Variants in RTF1 observed in about 807,000 individuals in gnomAD.
The protein encoded by RTF1 is RNA polymerase-associated protein RTF1 homolog.
In RTF1, 10 loss-of-function variants were observed where a neutral mutation model predicts 95.7. The observed-to-expected ratio is 0.10, with a 90% CI of 0.06 to 0.18. The LOEUF (loss-of-function observed/expected upper bound fraction) is 0.18. Among genes scored for constraint, RTF1 ranks in the 10% least tolerant of loss-of-function variants. The pLI is 1.00. For synonymous variants in RTF1, 305 were observed against 311.8 expected (o/e 0.98, Z 0.23); for missense variants, 458 against 875.6 (o/e 0.52, Z 6.02).
chr15:41,474,946 T>C (rs2050935083), intron 9 of RTF1, among the ~76,000 whole-genome samples: 1 of 152,192 alleles, frequency 6.6e-6, no homozygotes, highest in African/African-American at 2.4e-5. Context: ...TGTGTGGTTA[T>C]GAGAGACCCT....
chr15:41,466,503 A>G (rs2050881205), intron 6 of RTF1, among the ~76,000 whole-genome samples: 1 of 152,242 alleles, frequency 6.6e-6, no homozygotes, highest in Admixed American at 6.5e-5. Flanking sequence ...AACCATAAAT[A>G]TTTCAGTATG....
At chr15:41,434,683 A>T (rs978366102) in intron 1 of RTF1, among the ~76,000 whole-genome samples, 11 of 149,940 alleles carry the variant, frequency 7.3e-5, no homozygotes, top group African/African-American at 2.5e-4. Context: ...GCTGGAGTGC[A>T]GTGATGCGAT....
intron 1 of RTF1, among the ~76,000 whole-genome samples, chr15:41,433,116 C>T (rs1318371897): frequency 2.0e-5 from 3 of 147,080 alleles, no homozygotes; most frequent in East Asian, 2.1e-4. Flanking sequence ...GGTGTGGTGG[C>T]GTGCACCTAT....
chr15:41,465,652 G>A (rs1245068638), intron 5 of RTF1, among the ~76,000 whole-genome samples: 1 of 151,624 alleles, frequency 6.6e-6, no homozygotes, highest in East Asian at 1.9e-4. Context: ...AAAAAAAAAA[G>A]CAGCCCACTA....
chr15:41,473,626 G>C (rs1395818034), intron 8 of RTF1, among the ~76,000 whole-genome samples: 3 of 152,102 alleles, frequency 2.0e-5, no homozygotes, highest in African/African-American at 7.2e-5. Flanking sequence ...GCAGCGGTGT[G>C]ATCAGAGCTC....
At chr15:41,455,042 A>G (rs993385173) in intron 3 of RTF1, among the ~76,000 whole-genome samples, 13 of 152,038 alleles carry the variant, frequency 8.6e-5, no homozygotes, top group Non-Finnish European at 1.3e-4. Flanking sequence ...CCAGCCGGGC[A>G]TGGTGGCTCA....
At chr15:41,453,729 C>CA (rs1028188789) in intron 3 of RTF1, among the ~76,000 whole-genome samples, 15 of 129,620 alleles carry the variant, frequency 1.2e-4, no homozygotes, top group Admixed American at 6.2e-4. Flanking sequence ...TCAACAACAA[C>CA]AAAAAAAAGT....
chr15:41,454,327 G>A (rs1217867809), intron 3 of RTF1, among the ~76,000 whole-genome samples: 1 of 152,030 alleles, frequency 6.6e-6, no homozygotes, highest in African/African-American at 2.4e-5. Flanking sequence ...CTGACCTCAG[G>A]TGATCCACCT....
At chr15:41,443,688 T>C (rs529626625) in intron 2 of RTF1, among the ~76,000 whole-genome samples, 12 of 151,612 alleles carry the variant, frequency 7.9e-5, no homozygotes, top group African/African-American at 2.4e-4. Flanking sequence ...TTGCTTAAGC[T>C]GGGAAGTTCG....
In RTF1 at chr15:41,481,281, ATG is replaced by A. The variant is rs759338603; in HGVS notation, c.*606_*607del. On this transcript the variant is annotated 3_prime_UTR_variant, in exon 18 of 18. Transcript: ENST00000389629. ...GTCTAATTTGAGAGCGAGAGTGTGTATGTGTGTGTGTGTAAGTGTGTGGATTT... is the reference window on the plus strand; with the variant it reads ...GTCTAATTTGAGAGCGAGAGTGTGTATGTGTGTGTGTAAGTGTGTGGATTT... 3 of 149,768 alleles carry A rather than the reference ATG, an allele frequency of 2.0e-5. No homozygotes were observed. Among genetic ancestry groups the A allele is most frequent in the Non-Finnish European group, 2.9e-5 (2 of 68,236 alleles). 9.3% of individuals were successfully genotyped at this position (149,768 alleles called of 1,614,324 possible). A position where few individuals can be genotyped will look rare whatever the true frequency, so the allele number is the denominator to read the frequency against.
Position 41,480,244 on chromosome 15 carries a change from A to G in RTF1, c.1945A>G (p.Lys649Glu). 6.2e-7 allele frequency: 1 copy of G among 1,613,448 alleles called. No homozygotes were observed. Among genetic ancestry groups the G allele is most frequent in the Middle Eastern group, 1.6e-4 (1 of 6,062 alleles). The change falls in exon 17 of 18, where the codon AAG (lysine) becomes GAG (glutamate). Residue 649 changes from lysine to glutamate, a missense_variant. Physicochemically the swap from Lys to Glu is moderately conservative, Grantham distance 56. Around this residue, in one of 11 missense-constraint regions of RTF1, gnomAD observed 50 missense variants for 100.0 expected, o/e 0.50. Coordinates refer to ENST00000389629, the MANE Select transcript of RTF1 (RefSeq NM_015138.5). Reference sequence around the variant, plus strand: ...AGGCAAAGATAAAGATTTGAATTCTAAGTCAGCCAGTGACCTCTCAGAAGA... The same window carrying G: ...AGGCAAAGATAAAGATTTGAATTCTGAGTCAGCCAGTGACCTCTCAGAAGA... ...GQGKDKDLNS[K>E]SASDLSEDLF...
chr15:41,423,020 C>T (rs185049052), intron 1 of RTF1, among the ~76,000 whole-genome samples: 44 of 152,312 alleles, frequency 2.9e-4, no homozygotes, highest in Non-Finnish European at 5.3e-4. Flanking sequence ...GATCCACCCT[C>T]CTCGGCCTCC....
At chr15:41,439,798 C>T (rs942924092) in intron 2 of RTF1, among the ~76,000 whole-genome samples, 9 of 152,000 alleles carry the variant, frequency 5.9e-5, no homozygotes, top group Non-Finnish European at 1.0e-4. Flanking sequence ...ACTACAAGCA[C>T]GCACCACAGT....
chr15:41,457,595 GTTGTCAAC>G (rs1192208516), intron 3 of RTF1, 69 bp from the exon 4 acceptor site: 14 of 1,214,736 alleles, frequency 1.2e-5, no homozygotes, highest in Admixed American at 1.1e-4. Flanking sequence ...GAAGGGTGAT[GTTGTCAAC>G]ATTGTGGAGC....
intron 1 of RTF1, among the ~76,000 whole-genome samples, chr15:41,418,801 A>G (rs1174140461): frequency 1.3e-5 from 2 of 151,226 alleles, no homozygotes; most frequent in East Asian, 3.9e-4. Flanking sequence ...AAAAAAAAAA[A>G]GAAAAGAAAG....
chr15:41,454,874 A>G (rs1471853578), intron 3 of RTF1, among the ~76,000 whole-genome samples: 1 of 152,228 alleles, frequency 6.6e-6, no homozygotes, highest in East Asian at 1.9e-4. Context: ...TGCACTAGCC[A>G]CATTTGAGTT....
intron 2 of RTF1, among the ~76,000 whole-genome samples, chr15:41,442,779 G>A (rs1450689220): frequency 6.6e-6 from 1 of 152,024 alleles, no homozygotes; most frequent in Non-Finnish European, 1.5e-5. Flanking sequence ...CTAGCTACTC[G>A]GGAGGCTAAG....
intron 1 of RTF1, among the ~76,000 whole-genome samples, chr15:41,425,353 C>T (rs1277260370): frequency 1.3e-5 from 2 of 152,096 alleles, no homozygotes; most frequent in African/African-American, 4.8e-5. Context: ...ATCTGCCCGC[C>T]TCGGCCTCCC....
At chr15:41,449,599 T>C (rs957864444) in intron 2 of RTF1, among the ~76,000 whole-genome samples, 1 of 152,010 alleles carries the variant, frequency 6.6e-6, no homozygotes, top group Non-Finnish European at 1.5e-5. Context: ...CACTATGGCC[T>C]CCCAAAGTGC....
Sources: allele counts gnomAD v4.1 joint callset (sites outside exome capture counted in the v4.1 genomes callset), GRCh38; gene constraint gnomAD v4.1.1; regional missense constraint gnomAD v4.1.1; transcripts MANE v1.5; gene names NCBI Gene and HGNC (gene_info 2026-07-23, HGNC 2026-07-21).